AEBP2: variants seen among roughly 807,000 people sequenced by gnomAD.
AEBP2 encodes AE binding protein 2.
In AEBP2, 10 loss-of-function variants were observed where a neutral mutation model predicts 50.8. The ratio of observed to expected loss-of-function variants is 0.20; its 90% CI spans 0.12 to 0.33. The LOEUF (loss-of-function observed/expected upper bound fraction) is 0.33. Ranked by LOEUF, AEBP2 falls within the 10% of genes least tolerant of loss-of-function variation. The pLI is 1.00. For missense variants in AEBP2, 570 were observed against 688.0 expected (o/e 0.83, Z 1.92); for synonymous variants, 296 against 261.3 (o/e 1.13, Z -1.28).
chr12:19,496,751 T>G (rs1032856012), intron 4 of AEBP2, among the ~76,000 whole-genome samples: 7 of 150,610 alleles, frequency 4.6e-5, no homozygotes, highest in Admixed American at 3.3e-4. Flanking sequence ...AGCCTCGACC[T>G]CCTGGGCTCA....
intron 3 of AEBP2, among the ~76,000 whole-genome samples, chr12:19,491,583 T>A (rs1948895441): frequency 1.3e-5 from 2 of 152,190 alleles, no homozygotes; most frequent in Non-Finnish European, 2.9e-5. Flanking sequence ...ACCTCTTTTT[T>A]AACTTAGTGT....
chr12:19,419,135 C>G (rs987609504), intron 1 of AEBP2: 15 of 156,510 alleles, frequency 9.6e-5, no homozygotes, highest in African/African-American at 3.6e-4. Flanking sequence ...TGGTCAGATC[C>G]TGGAGGAGGG....
intron 4 of AEBP2, among the ~76,000 whole-genome samples, chr12:19,498,374 C>T (rs901061512): frequency 2.6e-5 from 4 of 152,028 alleles, no homozygotes; most frequent in Non-Finnish European, 4.4e-5. Context: ...GGCTTCTGCT[C>T]GTTTATTACT....
chr12:19,488,053 C>A (rs979919728), intron 3 of AEBP2, among the ~76,000 whole-genome samples: 1 of 151,278 alleles, frequency 6.6e-6, no homozygotes, highest in South Asian at 2.1e-4. Context: ...TTAATTCTTA[C>A]AATAATTCTT....
At chr12:19,418,967 G>A (rs1266561603) in intron 1 of AEBP2, 1 of 153,070 alleles carries the variant, frequency 6.5e-6, no homozygotes, top group African/African-American at 2.4e-5. Flanking sequence ...ATATCTCAAA[G>A]ATGTGCTTAG....
At chr12:19,485,787 CTT>C (rs1376268919) in intron 3 of AEBP2, among the ~76,000 whole-genome samples, 2 of 149,570 alleles carry the variant, frequency 1.3e-5, no homozygotes, top group African/African-American at 4.9e-5. Context: ...TCTAAAGAAA[CTT>C]AAATAATGAA....
At chr12:19,496,582 A>C (rs1301021808) in intron 4 of AEBP2, among the ~76,000 whole-genome samples, 2 of 152,168 alleles carry the variant, frequency 1.3e-5, no homozygotes, top group Non-Finnish European at 2.9e-5. Flanking sequence ...GTTTTTACGA[A>C]ACTGTGAAAA....
At chr12:19,459,628 A>G (rs1264266355) in intron 1 of AEBP2, among the ~76,000 whole-genome samples, 3 of 152,218 alleles carry the variant, frequency 2.0e-5, no homozygotes, top group South Asian at 2.1e-4. Flanking sequence ...CAAACAATAT[A>G]TGTATATTCA....
chr12:19,511,408 C>T (rs1257080097), intron 5 of AEBP2, among the ~76,000 whole-genome samples: 1 of 151,152 alleles, frequency 6.6e-6, no homozygotes, highest in Admixed American at 6.7e-5. Context: ...AGGCTAAAGG[C>T]GTTCAAGGCA....
At chr12:19,512,998 T>C (rs1197920659) in intron 6 of AEBP2, among the ~76,000 whole-genome samples, 1 of 152,026 alleles carries the variant, frequency 6.6e-6, no homozygotes, top group African/African-American at 2.4e-5. Context: ...AAATCTTGTG[T>C]GGTGTTTTTT....
chr12:19,446,231 A>G (rs1948063145), intron 1 of AEBP2, among the ~76,000 whole-genome samples: 3 of 152,354 alleles, frequency 2.0e-5, no homozygotes, highest in South Asian at 4.1e-4. Context: ...ACATGACGGT[A>G]TCTCCTCAGA....
At chr12:19,498,600 A>G (rs761033913) in intron 4 of AEBP2, among the ~76,000 whole-genome samples, 14 of 151,982 alleles carry the variant, frequency 9.2e-5, no homozygotes, top group Non-Finnish European at 1.8e-4. Flanking sequence ...AATCAAGCCA[A>G]CTCTTTTATT....
chr12:19,513,750 T>A (rs189208517), intron 6 of AEBP2, among the ~76,000 whole-genome samples: 94 of 152,094 alleles, frequency 6.2e-4, no homozygotes, highest in Non-Finnish European at 8.8e-5. Flanking sequence ...GGTGACAGAG[T>A]GAGACCCTGT....
intron 5 of AEBP2, among the ~76,000 whole-genome samples, chr12:19,502,685 G>A (rs1949100316): frequency 1.3e-5 from 2 of 148,176 alleles, no homozygotes; most frequent in African/African-American, 5.0e-5. Context: ...TTTCGCTCTT[G>A]TTGCCCAGGC....
intron 3 of AEBP2, among the ~76,000 whole-genome samples, chr12:19,482,972 C>G (rs1948752509): frequency 6.6e-6 from 1 of 152,164 alleles, no homozygotes; most frequent in African/African-American, 2.4e-5. Context: ...CCCCAGGCTT[C>G]CCTGCTGAGA....
At chr12:19,467,188 G>C (rs567560405) in intron 2 of AEBP2, among the ~76,000 whole-genome samples, 1 of 151,728 alleles carries the variant, frequency 6.6e-6, no homozygotes, top group African/African-American at 2.4e-5. Context: ...TTACAGGTGT[G>C]AGCCACCATG....
chr12:19,410,743 G>A (rs532381916), intron 1 of AEBP2, among the ~76,000 whole-genome samples: 1 of 152,240 alleles, frequency 6.6e-6, no homozygotes, highest in African/African-American at 2.4e-5. Flanking sequence ...TGTTTCCCAG[G>A]CTTCTGGAAA....
chr12:19,469,886 A>G (rs1026476361), intron 2 of AEBP2, among the ~76,000 whole-genome samples: 1 of 152,230 alleles, frequency 6.6e-6, no homozygotes, highest in African/African-American at 2.4e-5. Context: ...TAGAAGAACC[A>G]TGGCAAATTA....
intron 1 of AEBP2, among the ~76,000 whole-genome samples, chr12:19,451,506 A>G (rs1486406405): frequency 6.6e-6 from 1 of 152,132 alleles, no homozygotes; most frequent in Non-Finnish European, 1.5e-5. Flanking sequence ...GTGTTCCAAG[A>G]GCGAGCCAGG....
Sources: allele counts gnomAD v4.1 joint callset (sites outside exome capture counted in the v4.1 genomes callset), GRCh38; gene constraint gnomAD v4.1.1; transcripts MANE v1.5; gene names NCBI Gene and HGNC (gene_info 2026-07-23, HGNC 2026-07-21).